The following PPFIA2 variants were observed in gnomAD, a reference collection of about 807,000 sequenced individuals.
The protein encoded by PPFIA2 is liprin-alpha-2.
Under a neutral mutation model 175.5 loss-of-function variants are expected in PPFIA2, and 46 were observed. That is an observed-to-expected ratio of 0.26 (90% confidence interval 0.21 to 0.34). The LOEUF is 0.34. PPFIA2 is among the 10% of genes least tolerant of loss of function. The probability of loss-of-function intolerance (pLI) is 1.00; values close to 1 mark genes in which losing one functional copy is unlikely to be tolerated. For missense variants in PPFIA2, 1,179 were observed against 1,506.1 expected, an observed-to-expected ratio of 0.78 and a Z score of 3.60; for synonymous variants, 568 against 511.4, an observed-to-expected ratio of 1.11 and a Z score of -1.49.
Position 81,445,365 on chromosome 12 carries a change from G to A in PPFIA2, c.570+191C>T, listed in dbSNP as rs1253249260. 5.3e-5 allele frequency among the ~76,000 whole-genome samples: 8 copies of A among 151,984 alleles called. No individual in the cohort carries two copies. The South Asian group carries it at 1.0e-3, about 20-fold the overall frequency. ...TAGATTCAGTGGTTTAGAAAAAGAA[G>A]ATGTTTATGAATATTACCAACATCC... On this transcript the variant is annotated intron_variant, in intron 6 of 32. Transcript: ENST00000549396.
chr12:81,708,412 A>G (rs575464867), intron 3 of PPFIA2, among the ~76,000 whole-genome samples: 61 of 152,200 alleles, frequency 4.0e-4, no homozygotes, highest in Admixed American at 1.0e-3. Context: ...AAAGAATGAA[A>G]TTAGAATTTA....
At chr12:81,600,076 T>C (rs2059636979) in intron 4 of PPFIA2, among the ~76,000 whole-genome samples, 1 of 151,934 alleles carries the variant, frequency 6.6e-6, no homozygotes, top group Non-Finnish European at 1.5e-5. Context: ...TCCCATACTC[T>C]ATTATTTGGA....
chr12:81,678,316 A>C, intron 3 of PPFIA2, among the ~76,000 whole-genome samples: 1 of 151,924 alleles, frequency 6.6e-6, no homozygotes, highest in East Asian at 1.9e-4. Context: ...TAATTCACTT[A>C]GGACTTAATC....
intron 4 of PPFIA2, among the ~76,000 whole-genome samples, chr12:81,461,928 T>C (rs965123615): frequency 2.0e-5 from 3 of 151,992 alleles, no homozygotes; most frequent in Non-Finnish European, 4.4e-5. Context: ...ACCTAAACAG[T>C]ACAATCCTTT....
intron 24 of PPFIA2, chr12:81,292,715 A>T (rs2045369059): frequency 6.6e-6 from 1 of 152,008 alleles, no homozygotes; most frequent in Admixed American, 6.6e-5. Context: ...GAGAGCCAAA[A>T]ATTCTAGCTG....
intron 4 of PPFIA2, chr12:81,598,443 T>C (rs1057096728): frequency 2.5e-5 from 23 of 910,574 alleles, no homozygotes; most frequent in Middle Eastern, 5.5e-4. Flanking sequence ...ACCAATAACA[T>C]ACAGTTTCAT....
chr12:81,455,262 T>G (rs2053380587), intron 5 of PPFIA2, among the ~76,000 whole-genome samples: 1 of 152,192 alleles, frequency 6.6e-6, no homozygotes, highest in Non-Finnish European at 1.5e-5. Flanking sequence ...GATATACTAC[T>G]TCTGGGGGAT....
intron 3 of PPFIA2, among the ~76,000 whole-genome samples, chr12:81,716,362 T>C (rs1567980896): frequency 6.6e-6 from 1 of 151,800 alleles, no homozygotes; most frequent in Non-Finnish European, 1.5e-5. Flanking sequence ...TTAGCCTATA[T>C]AGGAAATAAG....
At chr12:81,640,558 G>T (rs572273456) in intron 4 of PPFIA2, among the ~76,000 whole-genome samples, 48 of 151,998 alleles carry the variant, frequency 3.2e-4, no homozygotes, top group African/African-American at 1.1e-3. Context: ...TTGATATGGG[G>T]ATCTTTATCT....
At chr12:81,536,739 C>G (rs933799346) in intron 4 of PPFIA2, among the ~76,000 whole-genome samples, 4 of 90,758 alleles carry the variant, frequency 4.4e-5, no homozygotes, top group Non-Finnish European at 8.7e-5. Flanking sequence ...AATATATATA[C>G]ATAAACATAT....
intron 4 of PPFIA2, among the ~76,000 whole-genome samples, chr12:81,536,593 C>T (rs1416582823): frequency 1.4e-5 from 2 of 148,134 alleles, no homozygotes; most frequent in Non-Finnish European, 3.0e-5. Context: ...AAAGGGAAAC[C>T]AAAAAAAGTG....
At position 81,258,284 on chromosome 12, in the gene PPFIA2, T is replaced by A. The variant is rs1408350934; in HGVS notation, c.*1410A>T. On this transcript the variant is annotated 3_prime_UTR_variant, in exon 33 of 33. Coordinates refer to ENST00000549396, the MANE Select transcript of PPFIA2 (RefSeq NM_003625.5). Reference sequence around the variant, plus strand: ...AGAGAACTGGAATTATTATTTTTTTTATTGACAATGGAAAGGGTTTCTGTT... The same window carrying A: ...AGAGAACTGGAATTATTATTTTTTTAATTGACAATGGAAAGGGTTTCTGTT... 2.0e-5 allele frequency: 3 copies of A among 152,154 alleles called. No homozygotes were observed. The highest frequency in any genetic ancestry group is 7.2e-5 in the African/African-American group (3 of 41,444). 9.4% of individuals were successfully genotyped at this position (152,154 alleles called of 1,614,324 possible).
chr12:81,396,699 AT>A (rs902687916), intron 8 of PPFIA2, among the ~76,000 whole-genome samples: 6 of 152,094 alleles, frequency 3.9e-5, no homozygotes, highest in Non-Finnish European at 7.4e-5. Context: ...ATCCATAGAC[AT>A]TTTTTTAAAA....
At chr12:81,563,601 T>A (rs2070661502) in intron 4 of PPFIA2, among the ~76,000 whole-genome samples, 1 of 152,198 alleles carries the variant, frequency 6.6e-6, no homozygotes, top group African/African-American at 2.4e-5. Context: ...GAACAACCCC[T>A]CTACTCAGCA....
chr12:81,411,884 T>C (rs1158629355), intron 7 of PPFIA2, among the ~76,000 whole-genome samples: 2 of 152,062 alleles, frequency 1.3e-5, no homozygotes, highest in Admixed American at 1.3e-4. Flanking sequence ...TGAGGAATGC[T>C]GTGAGGTATA....
At chr12:81,458,794 TATAGTAA>T in intron 4 of PPFIA2, among the ~76,000 whole-genome samples, 1 of 152,278 alleles carries the variant, frequency 6.6e-6, no homozygotes, top group South Asian at 2.1e-4. Context: ...TTTTTTTAAA[TATAGTAA>T]ATAGATCCAT....
chr12:81,707,879 G>A (rs964104527), intron 3 of PPFIA2, among the ~76,000 whole-genome samples: 8 of 151,246 alleles, frequency 5.3e-5, no homozygotes, highest in African/African-American at 1.9e-4. Flanking sequence ...GTAGGGACAT[G>A]GATGAAATTG....
intron 8 of PPFIA2, among the ~76,000 whole-genome samples, chr12:81,394,844 T>C (rs1048560436): frequency 6.6e-6 from 1 of 152,058 alleles, no homozygotes. Flanking sequence ...AATCCACTAC[T>C]TTTGAAAGAT....
At chr12:81,610,521 G>T (rs1567563096) in intron 4 of PPFIA2, among the ~76,000 whole-genome samples, 1 of 152,116 alleles carries the variant, frequency 6.6e-6, no homozygotes, top group African/African-American at 2.4e-5. Context: ...CTGTTCTGCT[G>T]TTAATACTTC....
Sources: gnomAD v4.1 joint callset for allele counts (sites outside exome capture counted in the v4.1 genomes callset) on GRCh38, gnomAD v4.1.1 for gene constraint, MANE v1.5 for transcripts, NCBI Gene and HGNC (gene_info 2026-07-23, HGNC 2026-07-21) for gene names.